The following FBXO39 variants were observed in gnomAD, a reference collection of about 807,000 sequenced individuals.
FBXO39 encodes F-box only protein 39.
A neutral mutation model predicts 36.6 loss-of-function variants in FBXO39; 22 were observed. The ratio of observed to expected loss-of-function variants is 0.60; its 90% CI spans 0.43 to 0.86. FBXO39 has a LOEUF of 0.86. Ranked by LOEUF, FBXO39 falls within the 40% of genes least tolerant of loss-of-function variation. The probability of loss-of-function intolerance (pLI) is 0.00; values close to 1 mark genes in which losing one functional copy is unlikely to be tolerated. For synonymous variants in FBXO39, 206 were observed against 205.8 expected (o/e 1.00, Z -0.01); for missense variants, 536 against 543.9 (o/e 0.99, Z 0.14).
At chr17:6,777,895 C>A (rs376379533) in intron 1 of FBXO39, among the ~76,000 whole-genome samples, 1 of 152,148 alleles carries the variant, frequency 6.6e-6, no homozygotes, top group East Asian at 1.9e-4. Flanking sequence ...GAAGTCTGTT[C>A]GGATGTGGCG....
intron 1 of FBXO39, among the ~76,000 whole-genome samples, chr17:6,777,164 C>T (rs1976433429): frequency 1.3e-5 from 2 of 152,066 alleles, no homozygotes; most frequent in African/African-American, 4.8e-5. Flanking sequence ...CATAGGTATA[C>T]ATGTGCCATG....
In FBXO39 at chr17:6,780,104, T is replaced by C. The variant is rs1193176007; in HGVS notation, c.236T>C (p.Val79Ala). Residue 79 changes from valine to alanine, a missense_variant, in exon 2 of 4, where the codon GTT becomes GCT. Physicochemically the swap from Val to Ala is moderately conservative, Grantham distance 64. Coordinates refer to ENST00000321535, the MANE Select transcript of FBXO39 (RefSeq NM_153230.3). ...CATGCATCTGAAGTTGAGTCAGCTG[T>C]TTGGTATGTTAAGAAGTTTGGTCGT... Reference protein sequence around the residue: ...RVHASEVESAVWYVKKFGRYL... With the variant: ...RVHASEVESAAWYVKKFGRYL... The C allele has an allele frequency of 3.1e-6, 5 of 1,614,010 alleles. No individual in the cohort carries two copies. In the Admixed American group the frequency reaches 8.3e-5, roughly 27 times the overall value.
At chr17:6,781,089 A>C (rs768954729) in intron 2 of FBXO39, among the ~76,000 whole-genome samples, 198 bp downstream of exon 2, 4 of 152,210 alleles carry the variant, frequency 2.6e-5, no homozygotes, top group Non-Finnish European at 2.9e-5. Flanking sequence ...CTCACTTCCT[A>C]CATGTGGTAC....
At chr17:6,782,003 C>T (rs966905040) in intron 2 of FBXO39, among the ~76,000 whole-genome samples, 2 of 152,074 alleles carry the variant, frequency 1.3e-5, no homozygotes, top group Admixed American at 6.6e-5. Flanking sequence ...GAGTAAACTA[C>T]TCATATCTTA....
In FBXO39 at chr17:6,779,783, C is replaced by G. The variant is rs1472755748; in HGVS notation, c.-80-6C>G. On this transcript the variant is annotated splice_region_variant and splice_polypyrimidine_tract_variant and intron_variant, in intron 1 of 3. Coordinates refer to ENST00000321535, the MANE Select transcript of FBXO39 (RefSeq NM_153230.3). The stretch of plus-strand genomic sequence containing the variant: ...GGTAATGGCTCTTCCTTTTTATTCC[C>G]CACAGAAAGCAAGTGATTGCTTTCC... 1.5e-6 allele frequency: 2 copies of G among 1,378,994 alleles called. No homozygotes were observed. The highest frequency in any genetic ancestry group is 2.9e-5 in the African/African-American group (2 of 69,392). 85.4% of individuals were successfully genotyped at this position (1,378,994 alleles called of 1,614,324 possible).
intron 2 of FBXO39, among the ~76,000 whole-genome samples, chr17:6,783,624 C>A (rs935861049): frequency 1.3e-5 from 2 of 152,036 alleles, no homozygotes; most frequent in Non-Finnish European, 2.9e-5. Flanking sequence ...TAACGAGCAA[C>A]TATATGCCAA....
At position 6,780,289 on chromosome 17, in the gene FBXO39, T is replaced by C. The variant is rs772078290; in HGVS notation, c.421T>C (p.Trp141Arg). 8 of 1,614,112 alleles carry C rather than the reference T, an allele frequency of 5.0e-6. No homozygotes were observed. The African/African-American group carries it at 8.0e-5, about 16-fold the overall frequency. The change falls in exon 2 of 4, where the codon TGG (tryptophan) becomes CGG (arginine). Residue 141 changes from tryptophan (W) to arginine (R), a missense_variant. Trp to Arg is a moderately radical substitution (Grantham distance 101). Transcript: ENST00000321535. ...ATACCTGGAGCTGGACCGCCTGGTATGGAGGAACAGCATCAGGAGCTCATT... is the reference window on the plus strand; with the variant it reads ...ATACCTGGAGCTGGACCGCCTGGTACGGAGGAACAGCATCAGGAGCTCATT... ...IQYLELDRLV[W>R]RNSIRSSFIS...
intron 3 of FBXO39, 73 bp from the exon 4 acceptor site, chr17:6,787,227 T>TCACC: frequency 6.6e-7 from 1 of 1,511,114 alleles, no homozygotes. Flanking sequence ...AGTCACCGTG[T>TCACC]GTGTGTGTGT....
In FBXO39 at chr17:6,786,826, A is replaced by G; in HGVS notation, c.1070A>G (p.Glu357Gly). Residue 357 changes from glutamate to glycine, a missense_variant, in exon 3 of 4, where the codon GAG becomes GGG. Glu to Gly is a moderately conservative substitution (Grantham distance 98, BLOSUM62 -2). Transcript: ENST00000321535. ...FNNNHESLDE[E>G]LHLLIISCRK... is the part of the protein sequence containing the mutation. ...AACAACCATGAGTCACTCGACGAGGAGCTGCACCTCCTCATCATATCCTGC... is the reference window on the plus strand; with the variant it reads ...AACAACCATGAGTCACTCGACGAGGGGCTGCACCTCCTCATCATATCCTGC... 6.2e-7 allele frequency: 1 copy of G among 1,613,472 alleles called. No individual in the cohort carries two copies. The highest frequency in any genetic ancestry group is 8.5e-7 in the Non-Finnish European group (1 of 1,179,752).
At chr17:6,781,454 T>G (rs1976508573) in intron 2 of FBXO39, among the ~76,000 whole-genome samples, 1 of 152,216 alleles carries the variant, frequency 6.6e-6, no homozygotes, top group Non-Finnish European at 1.5e-5. Context: ...CAGGATCATT[T>G]TGTCTTTCCA....
At position 6,780,352 on chromosome 17, in the gene FBXO39, A is replaced by G; in HGVS notation, c.484A>G (p.Lys162Glu). Residue 162 changes from lysine to glutamate, a missense_variant, in exon 2 of 4, where the codon AAA (lysine) becomes GAA (glutamate). By Grantham distance (56) the Lys-to-Glu change is moderately conservative. Coordinates refer to ENST00000321535, the MANE Select transcript of FBXO39 (RefSeq NM_153230.3). ...SLSFFLKKMGKRLDYLNLKGA... is the reference protein window; with the variant it reads ...SLSFFLKKMGERLDYLNLKGA... ...GAGCTTCTTCTTAAAGAAGATGGGC[A>G]AACGCCTGGATTATCTCAACCTAAA... 6.2e-7 allele frequency: 1 copy of G among 1,614,166 alleles called. No homozygotes were observed.
chr17:6,783,904 T>C (rs1426604025), intron 2 of FBXO39, among the ~76,000 whole-genome samples: 4 of 152,098 alleles, frequency 2.6e-5, no homozygotes, highest in Non-Finnish European at 4.4e-5. Flanking sequence ...AATTCTAAAC[T>C]CATTCTACAA....
intron 2 of FBXO39, among the ~76,000 whole-genome samples, chr17:6,782,410 C>T (rs1050343854): frequency 6.6e-6 from 1 of 152,042 alleles, no homozygotes; most frequent in African/African-American, 2.4e-5. Flanking sequence ...CGAAATGTCC[C>T]GAGTAAGTCC....
At chr17:6,784,902 CA>C (rs1567671860) in intron 2 of FBXO39, among the ~76,000 whole-genome samples, 1 of 144,878 alleles carries the variant, frequency 6.9e-6, no homozygotes, top group African/African-American at 2.7e-5. Context: ...AGAAATAGAA[CA>C]AAGAATCTTA....
At chr17:6,786,396 A>G (rs1342277663) in intron 2 of FBXO39, among the ~76,000 whole-genome samples, 1 of 152,214 alleles carries the variant, frequency 6.6e-6, no homozygotes, top group South Asian at 2.1e-4. Context: ...TAATGGGTAC[A>G]AAAAAAGTTA....
chr17:6,777,385 T>C (rs1331572866), intron 1 of FBXO39, among the ~76,000 whole-genome samples: 1 of 152,176 alleles, frequency 6.6e-6, no homozygotes, highest in Non-Finnish European at 1.5e-5. Context: ...CTGCGTTAGT[T>C]TGCTGAGAAT....
rs144312029 is a variant in FBXO39, at chr17:6,780,703, C to G, written c.835C>G (p.Gln279Glu). 3.5e-4 allele frequency: 567 copies of G among 1,614,170 alleles called. 3 individuals are homozygous for G. The African/African-American group carries it at 6.9e-3, about 20-fold the overall frequency. The part of the protein sequence containing the change: ...WGMSWAKLAR[Q>E]ATNLKVNFFF... ...TATGTCCTGGGCCAAGCTGGCCAGG[C>G]AGGCCACCAATCTGAAGGTGAACTT... The change falls in exon 2 of 4, where the codon CAG (glutamine) becomes GAG (glutamate). Residue 279 changes from glutamine to glutamate, a missense_variant. By Grantham distance (29) the Gln-to-Glu change is conservative. Coordinates refer to ENST00000321535, the MANE Select transcript of FBXO39 (RefSeq NM_153230.3).
intron 1 of FBXO39, among the ~76,000 whole-genome samples, chr17:6,778,124 G>A (rs569185127): frequency 6.6e-6 from 1 of 152,350 alleles, no homozygotes. Flanking sequence ...ACCTGCCATG[G>A]GTTCTATTCA....
Position 6,780,900 on chromosome 17 carries a change from G to T in FBXO39, c.1023+9G>T. 6.2e-7 allele frequency: 1 copy of T among 1,603,464 alleles called. No individual in the cohort carries two copies. Among genetic ancestry groups the T allele is most frequent in the South Asian group, 1.1e-5 (1 of 90,316 alleles). ...TCCGGCACACTCTGCAGGTAGGTAG[G>T]ACTTGTGAGGAGTGACTGCTGTTCA... On this transcript the variant is annotated intron_variant, in intron 2 of 3. Coordinates refer to ENST00000321535, the MANE Select transcript of FBXO39 (RefSeq NM_153230.3).
Sources: gnomAD v4.1 joint callset for allele counts (sites outside exome capture counted in the v4.1 genomes callset) on GRCh38, gnomAD v4.1.1 for gene constraint, MANE v1.5 for transcripts, NCBI Gene and HGNC (gene_info 2026-07-23, HGNC 2026-07-21) for gene names.